The following KCNN1 variants were observed in gnomAD, a reference collection of about 807,000 sequenced individuals.
The protein encoded by KCNN1 is small conductance calcium-activated potassium channel protein 1.
Under a neutral mutation model 44.7 loss-of-function variants are expected in KCNN1, and 20 were observed. That is an observed-to-expected ratio of 0.45 (90% CI 0.32 to 0.65). KCNN1 has a LOEUF of 0.65. KCNN1 is among the 30% of genes least tolerant of loss of function. The pLI is 0.05. For missense variants in KCNN1, 632 were observed against 785.3 expected (o/e 0.80, Z 2.33); for synonymous variants, 324 against 341.7 (o/e 0.95, Z 0.57).
chr19:17,956,010 A>G (rs1237633412), intron 2 of KCNN1, among the ~76,000 whole-genome samples: 1 of 146,264 alleles, frequency 6.8e-6, no homozygotes, highest in South Asian at 2.2e-4. Flanking sequence ...GCTCACTGCA[A>G]CCTCCACCCT....
chr19:17,997,218 A>G (rs2033028234), intron 9 of KCNN1, among the ~76,000 whole-genome samples: 1 of 151,772 alleles, frequency 6.6e-6, no homozygotes, highest in African/African-American at 2.4e-5. Context: ...TCGTCATTAG[A>G]CCCCTGTCCC....
At chr19:17,964,421 G>A (rs1568446456), upstream of KCNN1, among the ~76,000 whole-genome samples, 1 of 152,206 alleles carries the variant, frequency 6.6e-6, no homozygotes. This position sits in a 1 kb window ranked among gnomAD's most constrained non-coding sequence, Gnocchi z 4.3. Context: ...GAGACCAGAG[G>A]CCCAGCCCTC....
chr19:17,961,423 CAAAAAGAAAAG>C (rs1357787648), intron 2 of KCNN1, among the ~76,000 whole-genome samples: 1 of 151,564 alleles, frequency 6.6e-6, no homozygotes, highest in Non-Finnish European at 1.5e-5. Context: ...CATTTAAAAA[CAAAAAGAAAAG>C]AAAAAGAAAC....
At chr19:17,953,718 C>G (rs2031475942) in intron 1 of KCNN1, among the ~76,000 whole-genome samples, 1 of 152,150 alleles carries the variant, frequency 6.6e-6, no homozygotes, top group South Asian at 2.1e-4. Context: ...GAGGCAAGCT[C>G]AGGAGTTCGA....
chr19:17,959,344 C>T (rs963338368), intron 2 of KCNN1, among the ~76,000 whole-genome samples: 95 of 151,850 alleles, frequency 6.3e-4, no homozygotes, highest in Non-Finnish European at 8.8e-5. Flanking sequence ...CTGCAACCTC[C>T]GCCTCCTAGG....
intron 2 of KCNN1, among the ~76,000 whole-genome samples, chr19:17,960,884 T>TA (rs954286493): frequency 6.6e-5 from 10 of 151,500 alleles, no homozygotes; most frequent in South Asian, 2.1e-4. Context: ...GGCTTCGTAT[T>TA]AAAAAAAACA....
At position 17,983,821 on chromosome 19, in the gene KCNN1, CTG is replaced by C. The variant is rs2032505516; in HGVS notation, c.918-1490_918-1489del. On this transcript the variant is annotated intron_variant, in intron 4 of 9. Coordinates refer to ENST00000684775, the MANE Select transcript of KCNN1 (RefSeq NM_001386974.1). This position sits in a 1 kb window ranked among gnomAD's most constrained non-coding sequence, Gnocchi z 4.5. ...GGCACCCCCCCGCCCCTCCTGCCCT[CTG>C]GGGGTCAGGCAGCTTGGGGCTCAGA... 6.6e-6 allele frequency among the ~76,000 whole-genome samples: 1 copy of C among 152,070 alleles called. No individual in the cohort carries two copies. Among genetic ancestry groups the C allele is most frequent in the African/African-American group, 2.4e-5 (1 of 41,414 alleles).
chr19:17,984,411 G>T (rs1228811460), intron 4 of KCNN1, among the ~76,000 whole-genome samples: 1 of 152,088 alleles, frequency 6.6e-6, no homozygotes, highest in Admixed American at 6.6e-5. Flanking sequence ...CACTTCCTCG[G>T]TGCTACCCCA....
chr19:17,958,341 A>G (rs1225853830), intron 2 of KCNN1, among the ~76,000 whole-genome samples: 1 of 151,994 alleles, frequency 6.6e-6, no homozygotes, highest in Non-Finnish European at 1.5e-5. Context: ...ATAGCTAGGC[A>G]TGGTAGCACA....
At position 17,974,401 on chromosome 19, in the gene KCNN1, G is replaced by GGGGCTCCCGGAGGTGA; in HGVS notation, c.402+120_402+135dup. On this transcript the variant is annotated intron_variant, in intron 2 of 9. Coordinates refer to ENST00000684775, the MANE Select transcript of KCNN1 (RefSeq NM_001386974.1). This position sits in a 1 kb window ranked among gnomAD's most constrained non-coding sequence, Gnocchi z 7.3. The stretch of plus-strand genomic sequence containing the variant: ...CCCCCCGGGAGATAGGGAGTGTTAG[G>GGGGCTCCCGGAGGTGA]GGGCTCCCGGAGGTGAGGGCTCCCT... 1 of 1,265,858 alleles carries GGGGCTCCCGGAGGTGA rather than the reference G, an allele frequency of 7.9e-7. No homozygotes were observed. The highest frequency in any genetic ancestry group is 1.5e-5 in the African/African-American group (1 of 65,932). 78.4% of individuals were successfully genotyped at this position (1,265,858 alleles called of 1,614,324 possible).
In KCNN1 at chr19:17,993,087, T is replaced by C. The variant is rs770656702; in HGVS notation, c.1307+25T>C. 4 of 1,613,246 alleles carry C rather than the reference T, an allele frequency of 2.5e-6. No individual in the cohort carries two copies. Among genetic ancestry groups the C allele is most frequent in the Non-Finnish European group, 3.4e-6 (4 of 1,179,672 alleles). ...AGTAAGTGTTCTCCCAGGGGCTTGGTGGGGCTGGGAAATCGGGGGTGCATG... is the reference window on the plus strand; with the variant it reads ...AGTAAGTGTTCTCCCAGGGGCTTGGCGGGGCTGGGAAATCGGGGGTGCATG... On this transcript the variant is annotated intron_variant, in intron 8 of 9. Coordinates refer to ENST00000684775, the MANE Select transcript of KCNN1 (RefSeq NM_001386974.1). This position sits in a 1 kb window ranked among gnomAD's most constrained non-coding sequence, Gnocchi z 4.5.
chr19:17,977,614 T>C (rs1003396955), intron 3 of KCNN1, among the ~76,000 whole-genome samples: 1 of 152,038 alleles, frequency 6.6e-6, no homozygotes, highest in African/African-American at 2.4e-5. Flanking sequence ...CCTCCCAAAG[T>C]GCTGAGATTT....
Position 17,993,252 on chromosome 19 carries a change from C to T in KCNN1, c.1307+190C>T, listed in dbSNP as rs1208149218. On this transcript the variant is annotated intron_variant, in intron 8 of 9. Coordinates refer to ENST00000684775, the MANE Select transcript of KCNN1 (RefSeq NM_001386974.1). The surrounding 1 kb of genome is among the most constrained non-coding windows in gnomAD (Gnocchi z 4.5). ...TTCCTGGGGCAGTCCTGAGTTGGGC[C>T]GGAGACAGGACCAGCCAATGGGTGG... is the stretch of plus-strand genomic sequence containing the variant. 6.6e-6 allele frequency among the ~76,000 whole-genome samples: 1 copy of T among 152,084 alleles called. No homozygotes were observed. Among genetic ancestry groups the T allele is most frequent in the South Asian group, 2.1e-4 (1 of 4,834 alleles).
chr19:17,957,318 AAAAG>A (rs1235675451), intron 2 of KCNN1, among the ~76,000 whole-genome samples: 8 of 148,936 alleles, frequency 5.4e-5, no homozygotes, highest in South Asian at 2.2e-4. Context: ...GAGAGAGAAA[AAAAG>A]AAGGAAGGAA....
Position 17,974,137 on chromosome 19 carries a change from G to C in KCNN1, c.249G>C (p.Ser83=). The change falls in exon 2 of 10, where the codon TCG becomes TCC. Residue 83 remains serine, a synonymous_variant. Coordinates refer to ENST00000684775, the MANE Select transcript of KCNN1 (RefSeq NM_001386974.1). This position sits in a 1 kb window ranked among gnomAD's most constrained non-coding sequence, Gnocchi z 7.3. ...EEDEAGRQRA[S]GKPSNVGHRL... is the part of the protein sequence containing the mutation. ...ATGAGGCCGGCAGGCAGAGAGCCTC[G>C]GGGAAACCCTCAAATGTGGGCCACC... 6.2e-7 allele frequency: 1 copy of C among 1,613,216 alleles called. No homozygotes were observed. Among genetic ancestry groups the C allele is most frequent in the Non-Finnish European group, 8.5e-7 (1 of 1,179,862 alleles).
chr19:17,985,503 C>A, intron 5 of KCNN1, 50 bp downstream of exon 5: 1 of 1,487,928 alleles, frequency 6.7e-7, no homozygotes, highest in South Asian at 1.3e-5. Flanking sequence ...AGCCAGCTGC[C>A]CGCTCCACCA....
rs1022665578 is a variant in KCNN1 at position 17,993,945 on chromosome 19, A to T, written c.1377+386A>T. On this transcript the variant is annotated intron_variant, in intron 9 of 9. Transcript: ENST00000684775. This position sits in a 1 kb window ranked among gnomAD's most constrained non-coding sequence, Gnocchi z 4.5. ...TAATAATTTTAAAAATAATTTAAAA[A>T]TTTAAAAAGAGTACACAATTAGGGG... 2.6e-5 allele frequency among the ~76,000 whole-genome samples: 4 copies of T among 152,090 alleles called. No individual in the cohort carries two copies. Among genetic ancestry groups the T allele is most frequent in the African/African-American group, 9.7e-5 (4 of 41,408 alleles).
At chr19:17,966,325 G>A (rs2031809054), upstream of KCNN1, among the ~76,000 whole-genome samples, 1 of 152,188 alleles carries the variant, frequency 6.6e-6, no homozygotes. Context: ...AGAGGCAGAG[G>A]CAGTAAGACT....
In KCNN1 at chr19:17,980,276, C is replaced by T. The variant is rs577893866; in HGVS notation, c.499-1433C>T. On this transcript the variant is annotated intron_variant, in intron 3 of 9. Coordinates refer to ENST00000684775, the MANE Select transcript of KCNN1 (RefSeq NM_001386974.1). ...TTTTTTTTTGTATTTTTAGTAGAGA[C>T]GGGGTTTTGCCATGTTGCCTGGGCT... Among the ~76,000 whole-genome samples, 5 of 84,304 alleles carry T rather than the reference C, an allele frequency of 5.9e-5. No homozygotes were observed. In the South Asian group the frequency reaches 2.0e-3, roughly 34 times the overall value. The allele number at this position is 84,304 out of a possible 152,430, so 55.3% of individuals were successfully genotyped here. A position where few individuals can be genotyped will look rare whatever the true frequency, so the allele number is the denominator to read the frequency against.
Sources: gnomAD v4.1 joint callset for allele counts (sites outside exome capture counted in the v4.1 genomes callset) on GRCh38, gnomAD v4.1.1 for gene constraint, Gnocchi (gnomAD v3.1) non-coding constraint, MANE v1.5 for transcripts, NCBI Gene and HGNC (gene_info 2026-07-23, HGNC 2026-07-21) for gene names.